The following CAPN8 variants were observed in gnomAD, a reference collection of about 807,000 sequenced individuals.
CAPN8 encodes calpain 8.
Under a neutral mutation model 80.9 loss-of-function variants are expected in CAPN8, and 87 were observed. That is an observed-to-expected ratio of 1.07 (90% CI 0.90 to 1.28). CAPN8 has a LOEUF of 1.28. Among genes scored for constraint, CAPN8 ranks in the 50% most tolerant of loss-of-function variants. CAPN8 has a pLI of 0.00. For missense variants in CAPN8, 757 were observed against 702.0 expected (o/e 1.08, Z -0.89); for synonymous variants, 299 against 273.8 (o/e 1.09, Z -0.91).
intron 2 of CAPN8, among the ~76,000 whole-genome samples, chr1:223,641,158 A>T (rs1658029797): frequency 6.6e-6 from 1 of 152,170 alleles, no homozygotes; most frequent in South Asian, 2.1e-4. Flanking sequence ...CTCAAGCAGG[A>T]AGCAAAAAGT....
intron 16 of CAPN8, among the ~76,000 whole-genome samples, chr1:223,546,268 C>T (rs1158859788): frequency 6.6e-6 from 1 of 152,074 alleles, no homozygotes; most frequent in African/African-American, 2.4e-5. Context: ...TGAAACAGCC[C>T]CAGCTACTCA....
chr1:223,624,911 A>T (rs1236415178), intron 6 of CAPN8, among the ~76,000 whole-genome samples: 1 of 151,736 alleles, frequency 6.6e-6, no homozygotes, highest in African/African-American at 2.4e-5. Context: ...TGGCTGACAC[A>T]GTGAAACCCC....
chr1:223,646,479 T>G (rs1204762284), intron 2 of CAPN8, among the ~76,000 whole-genome samples: 1 of 152,210 alleles, frequency 6.6e-6, no homozygotes, highest in Non-Finnish European at 1.5e-5. Context: ...AACCTCACCC[T>G]TCCTGCTTCT....
chr1:223,659,301 C>A (rs1658577360), intron 1 of CAPN8, among the ~76,000 whole-genome samples: 1 of 152,108 alleles, frequency 6.6e-6, no homozygotes, highest in African/African-American at 2.4e-5. Flanking sequence ...TTTAGAACCC[C>A]CAGAGATGCT....
chr1:223,550,295 C>T (rs1656748786), intron 15 of CAPN8, among the ~76,000 whole-genome samples: 1 of 152,190 alleles, frequency 6.6e-6, no homozygotes, highest in South Asian at 2.1e-4. Flanking sequence ...TGACTTGGCT[C>T]CTGGGCCAAG....
At chr1:223,549,265 TAAAAACCGGACGAAAGTAA>T (rs1656716426) in intron 16 of CAPN8, 34 bp downstream of exon 16, 12 of 1,534,770 alleles carry the variant, frequency 7.8e-6, no homozygotes, top group African/African-American at 1.4e-5. Flanking sequence ...GAGGAGTCTT[TAAAAACCGGACGAAAGTAA>T]AAAAAAAAAA....
At chr1:223,649,479 C>A (rs1658280654) in intron 2 of CAPN8, among the ~76,000 whole-genome samples, 1 of 152,198 alleles carries the variant, frequency 6.6e-6, no homozygotes, top group South Asian at 2.1e-4. Flanking sequence ...TCCAGGACAT[C>A]CTTCCACTGT....
intron 1 of CAPN8, among the ~76,000 whole-genome samples, chr1:223,659,793 A>G (rs1311630948): frequency 1.3e-5 from 2 of 152,192 alleles, no homozygotes; most frequent in Non-Finnish European, 2.9e-5. Flanking sequence ...TCTCCATTTT[A>G]TGGAAGAGGA....
At chr1:223,609,418 GC>G (rs1344181336) in intron 11 of CAPN8, 54 bp from the exon 12 acceptor site, 1 of 398,366 alleles carries the variant, frequency 2.5e-6, no homozygotes, top group African/African-American at 2.1e-5. Flanking sequence ...GAAGATGAGA[GC>G]CCAAGAGTTC....
At chr1:223,621,260 T>A (rs1572236603) in intron 7 of CAPN8, among the ~76,000 whole-genome samples, 1 of 107,934 alleles carries the variant, frequency 9.3e-6, no homozygotes. Context: ...TTTTTTTTTT[T>A]AAGTAAAATC....
intron 8 of CAPN8, 69 bp from the exon 9 acceptor site, chr1:223,619,522 G>A: frequency 1.3e-6 from 2 of 1,511,386 alleles, no homozygotes; most frequent in South Asian, 2.5e-5. Context: ...CGCATACTGA[G>A]CACGGGAAGG....
At chr1:223,639,282 T>C (rs907041083) in intron 2 of CAPN8, among the ~76,000 whole-genome samples, 1 of 152,152 alleles carries the variant, frequency 6.6e-6, no homozygotes, top group Non-Finnish European at 1.5e-5. Flanking sequence ...ATTAACAAGA[T>C]GGCTTTTGGA....
chr1:223,628,619 A>AGT, intron 3 of CAPN8, 43 bp downstream of exon 3: 1 of 1,453,972 alleles, frequency 6.9e-7, no homozygotes, highest in South Asian at 1.2e-5. Flanking sequence ...GAGCCCTAAG[A>AGT]ATACGGAAAA....
At chr1:223,609,685 A>G (rs1656985391) in intron 11 of CAPN8, among the ~76,000 whole-genome samples, 1 of 151,998 alleles carries the variant, frequency 6.6e-6, no homozygotes, top group African/African-American at 2.4e-5. Flanking sequence ...TTCCTCTCTA[A>G]TCCAATAGGC....
intron 11 of CAPN8, among the ~76,000 whole-genome samples, chr1:223,611,113 G>A (rs187452994): frequency 7.7e-4 from 118 of 152,308 alleles, no homozygotes; most frequent in Non-Finnish European, 1.3e-3. Context: ...GTGTGTGCAC[G>A]TCACCTCTCT....
chr1:223,546,734 A>G (rs377309223), intron 16 of CAPN8, among the ~76,000 whole-genome samples: 4 of 152,210 alleles, frequency 2.6e-5, no homozygotes, highest in African/African-American at 7.2e-5. Flanking sequence ...ATACACCTCA[A>G]TAAGTGGTAG....
chr1:223,654,358 C>A lies in CAPN8; in HGVS notation c.279G>T (p.Thr93=). Residue 93 remains threonine (T), a synonymous_variant, in exon 2 of 21, where the codon ACG becomes ACT. Transcript: ENST00000366872. ...PSPQFIVGGA[T]RTDICQGGLG... ...GACCACCCTGACAAATGTCTGTGCG[C>A]GTGGCTCCACCAACGATAAACTGAG... 1 of 1,551,676 alleles carries A rather than the reference C, an allele frequency of 6.4e-7. No individual in the cohort carries two copies. Among genetic ancestry groups the A allele is most frequent in the Non-Finnish European group, 8.7e-7 (1 of 1,146,976 alleles).
In CAPN8 at chr1:223,644,550, G is replaced by C. The variant is rs143060990; in HGVS notation, c.307+9780C>G. 6.3e-3 allele frequency among the ~76,000 whole-genome samples: 964 copies of C among 152,344 alleles called. 40 individuals carry two copies. Among genetic ancestry groups the C allele is most frequent in the Admixed American group, 0.06 (913 of 15,308 alleles). On this transcript the variant is annotated intron_variant, in intron 2 of 20. Transcript: ENST00000366872. ...AAAACAGAGTCCTCGATGTTATGGA[G>C]TATACATGCTAGTGAGAAAGACAAA...
At chr1:223,542,115 T>TAC (rs759775820) in intron 20 of CAPN8, among the ~76,000 whole-genome samples, 119 of 151,312 alleles carry the variant, frequency 7.9e-4, no homozygotes, top group Admixed American at 1.4e-3. Context: ...TGTATATTCA[T>TAC]ACACACACAC....
Sources: gnomAD v4.1 joint callset for allele counts (sites outside exome capture counted in the v4.1 genomes callset) on GRCh38, gnomAD v4.1.1 for gene constraint, MANE v1.5 for transcripts, NCBI Gene and HGNC (gene_info 2026-07-23, HGNC 2026-07-21) for gene names.